The following POM121C variants were observed in gnomAD, a reference collection of about 807,000 sequenced individuals.
POM121C encodes POM121 transmembrane nucleoporin C.
A neutral mutation model predicts 66.4 loss-of-function variants in POM121C; 20 were observed. The ratio of observed to expected loss-of-function variants is 0.30; its 90% CI spans 0.21 to 0.44. The LOEUF is 0.44. Ranked by LOEUF, POM121C falls within the 20% of genes least tolerant of loss-of-function variation. The pLI is 1.00. For missense variants in POM121C, 580 were observed against 1,225.7 expected, an observed-to-expected ratio of 0.47 and a Z score of 7.87; for synonymous variants, 286 against 528.0, an observed-to-expected ratio of 0.54 and a Z score of 6.28.
At chr7:75,433,126 T>G (rs587595817) in intron 7 of POM121C, among the ~76,000 whole-genome samples, 20 of 150,844 alleles carry the variant, frequency 1.3e-4, no homozygotes, top group African/African-American at 4.6e-4. Flanking sequence ...TCCCAACTAC[T>G]TGGGAGGCTG....
chr7:75,477,408 C>A (rs1278857728), intron 1 of POM121C, among the ~76,000 whole-genome samples: 1 of 152,122 alleles, frequency 6.6e-6, no homozygotes, highest in East Asian at 1.9e-4. Flanking sequence ...CATGGTGAAA[C>A]CCTATCTCTA....
chr7:75,454,504 C>T (rs1791137678), intron 3 of POM121C, among the ~76,000 whole-genome samples: 1 of 152,122 alleles, frequency 6.6e-6, no homozygotes, highest in African/African-American at 2.4e-5. Context: ...GCCGGACCCC[C>T]TTAGAAGAGG....
chr7:75,476,290 C>CA (rs11426718), intron 1 of POM121C, among the ~76,000 whole-genome samples: 54,772 of 116,232 alleles, frequency 0.47, 13,401 homozygotes, highest in East Asian at 0.87. Context: ...GACCTTGTCT[C>CA]AAAAAAAAAA....
At chr7:75,477,929 C>T (rs1178041741) in intron 1 of POM121C, among the ~76,000 whole-genome samples, 2 of 152,084 alleles carry the variant, frequency 1.3e-5, no homozygotes, top group African/African-American at 4.8e-5. Flanking sequence ...AAAACAAGAA[C>T]ATATACGAAA....
chr7:75,476,720 T>TA (rs1792093882), intron 1 of POM121C, among the ~76,000 whole-genome samples: 1 of 151,840 alleles, frequency 6.6e-6, no homozygotes, highest in Non-Finnish European at 1.5e-5. Context: ...AAATTACATG[T>TA]CAATACCACT....
chr7:75,432,491 T>C lies in POM121C; in HGVS notation c.480+5024A>G, dbSNP rs587598938. On this transcript the variant is annotated intron_variant, in intron 7 of 14. Coordinates refer to ENST00000615331, the MANE Select transcript of POM121C (RefSeq NM_001099415.3). ...ATACTCTATTTCCATCTATATAAAA[T>C]TGAAAAACAGGGTACACTATAAAAG... 6.6e-5 allele frequency among the ~76,000 whole-genome samples: 10 copies of C among 152,142 alleles called. No homozygotes were observed. The South Asian group carries it at 2.1e-3, about 32-fold the overall frequency.
Position 75,422,095 on chromosome 7 carries a change from C to A in POM121C, c.2157G>T (p.Lys719Asn), listed in dbSNP as rs1554470810. 1 of 1,605,406 alleles carries A rather than the reference C, an allele frequency of 6.2e-7. No individual in the cohort carries two copies. Among genetic ancestry groups the A allele is most frequent in the East Asian group, 2.2e-5 (1 of 44,798 alleles). ...AAEGQPPGAAKPALTPSFGSS... is the reference protein window; with the variant it reads ...AAEGQPPGAANPALTPSFGSS... Reference sequence around the variant, plus strand: ...TGCCAAAGCTGGGGGTAAGGGCTGGCTTGGCGGCCCCCGGTGGCTGCCCCT... The same window carrying A: ...TGCCAAAGCTGGGGGTAAGGGCTGGATTGGCGGCCCCCGGTGGCTGCCCCT... Residue 719 changes from lysine (K) to asparagine (N), a missense_variant, in exon 13 of 15, where the codon AAG becomes AAT. By Grantham distance (94) the Lys-to-Asn change is moderately conservative. Coordinates refer to ENST00000615331, the MANE Select transcript of POM121C (RefSeq NM_001099415.3).
chr7:75,454,261 C>T (rs1371963223), intron 3 of POM121C, among the ~76,000 whole-genome samples: 2 of 152,100 alleles, frequency 1.3e-5, no homozygotes, highest in Non-Finnish European at 2.9e-5. Flanking sequence ...ATTTAGCCTA[C>T]CTGAGGGGTC....
chr7:75,472,141 C>G (rs1554478755), intron 3 of POM121C, among the ~76,000 whole-genome samples: 1 of 151,878 alleles, frequency 6.6e-6, no homozygotes, highest in Non-Finnish European at 1.5e-5. Flanking sequence ...CCACCTCGGC[C>G]TCCCAAAGTG....
intron 1 of POM121C, among the ~76,000 whole-genome samples, chr7:75,485,362 C>A (rs1356232783): frequency 9.9e-5 from 15 of 152,074 alleles, no homozygotes; most frequent in Admixed American, 3.3e-4. Flanking sequence ...CTCCTGGGTT[C>A]TACTATGAGC....
intron 3 of POM121C, among the ~76,000 whole-genome samples, chr7:75,452,917 G>A (rs1236832708): frequency 1.3e-5 from 2 of 152,148 alleles, no homozygotes; most frequent in African/African-American, 4.8e-5. Flanking sequence ...CCAACAGGTG[G>A]GTCAGGGTGG....
rs78414237 is a variant in POM121C at position 75,437,266 on chromosome 7, T to C, written c.480+249A>G. 3.7e-3 allele frequency among the ~76,000 whole-genome samples: 567 copies of C among 152,354 alleles called. 18 individuals are homozygous for C. The East Asian group carries it at 0.043, about 11-fold the overall frequency. ...AGAGACAATCCTAATGTCCAACAGATAGAAGGTGATTAGTAAACTTTTGCT... is the reference window on the plus strand; with the variant it reads ...AGAGACAATCCTAATGTCCAACAGACAGAAGGTGATTAGTAAACTTTTGCT... On this transcript the variant is annotated intron_variant, in intron 7 of 14. Coordinates refer to ENST00000615331, the MANE Select transcript of POM121C (RefSeq NM_001099415.3).
At chr7:75,479,305 A>G (rs1486507303) in intron 1 of POM121C, among the ~76,000 whole-genome samples, 2 of 152,184 alleles carry the variant, frequency 1.3e-5, no homozygotes, top group Admixed American at 6.5e-5. Context: ...ATTTTCTCTC[A>G]TTACTTAAAT....
intron 3 of POM121C, among the ~76,000 whole-genome samples, chr7:75,459,781 TA>T (rs1240061001): frequency 1.0e-4 from 13 of 127,146 alleles, no homozygotes; most frequent in Non-Finnish European, 4.8e-5. Flanking sequence ...AGCAAAACCA[TA>T]ACATTATCTC....
intron 1 of POM121C, chr7:75,484,298 G>A (rs1330712305): frequency 1.1e-5 from 12 of 1,043,786 alleles, no homozygotes; most frequent in East Asian, 4.9e-5. Flanking sequence ...TGAGGGCTCC[G>A]GCCTGCAAAG....
intron 1 of POM121C, among the ~76,000 whole-genome samples, chr7:75,479,584 C>T (rs1399189857): frequency 6.9e-6 from 1 of 145,046 alleles, no homozygotes; most frequent in African/African-American, 2.8e-5. Flanking sequence ...CCCCTGCACT[C>T]CAGCCTGGGG....
rs1184199386 is a variant in POM121C at position 75,442,568 on chromosome 7, G to A, written c.-151-921C>T. ...GGCCAGCCAGGCCAGCGCAGCCGCA[G>A]CAGGCACGAGGTACAGTAGGAGGCC... is the stretch of plus-strand genomic sequence containing the variant. On this transcript the variant is annotated intron_variant, in intron 3 of 14. Coordinates refer to ENST00000615331, the MANE Select transcript of POM121C (RefSeq NM_001099415.3). 3.9e-5 allele frequency: 58 copies of A among 1,487,920 alleles called. No homozygotes were observed. In the African/African-American group the frequency reaches 8.1e-4, roughly 21 times the overall value. The allele number at this position is 1,487,920 out of a possible 1,614,324, so 92.2% of individuals were successfully genotyped here. A position where few individuals can be genotyped will look rare whatever the true frequency, so the allele number is the denominator to read the frequency against.
At chr7:75,439,859 GTTATT>G (rs1790562738) in intron 5 of POM121C, among the ~76,000 whole-genome samples, 1 of 150,308 alleles carries the variant, frequency 6.7e-6, no homozygotes, top group African/African-American at 2.4e-5. Flanking sequence ...TTTTCATTAG[GTTATT>G]TTACAAACCA....
chr7:75,419,676 C>A (rs587768862), intron 13 of POM121C: 1 of 527,972 alleles, frequency 1.9e-6, no homozygotes, highest in Admixed American at 3.8e-5. Flanking sequence ...AGAGAAAAAG[C>A]CCCCCTGCCC....
Sources: gnomAD v4.1 joint callset for allele counts (sites outside exome capture counted in the v4.1 genomes callset) on GRCh38, gnomAD v4.1.1 for gene constraint, MANE v1.5 for transcripts, NCBI Gene and HGNC (gene_info 2026-07-23, HGNC 2026-07-21) for gene names.